Variants in TEX101 observed in about 807,000 individuals in gnomAD.
TEX101 encodes testis expressed 101.
A neutral mutation model predicts 18.1 loss-of-function variants in TEX101; 10 were observed. That is an observed-to-expected ratio of 0.55 (90% confidence interval 0.34 to 0.94). TEX101 has a LOEUF of 0.94. Ranked by LOEUF, TEX101 falls within the 40% of genes least tolerant of loss-of-function variation. The probability of loss-of-function intolerance (pLI) is 0.02; values close to 1 mark genes in which losing one functional copy is unlikely to be tolerated. For missense variants in TEX101, 259 were observed against 298.9 expected (o/e 0.87, Z 0.98); for synonymous variants, 94 against 114.8 (o/e 0.82, Z 1.16).
intron 1 of TEX101, among the ~76,000 whole-genome samples, chr19:43,402,057 A>G (rs1338643935): frequency 2.6e-5 from 4 of 152,282 alleles, no homozygotes; most frequent in Non-Finnish European, 5.9e-5. Flanking sequence ...TGCAGTCTAC[A>G]TAAGTGCTGC....
intron 1 of TEX101, among the ~76,000 whole-genome samples, chr19:43,415,327 G>A (rs1233460383): frequency 6.6e-6 from 1 of 152,016 alleles, no homozygotes. Flanking sequence ...TCCTGATCCT[G>A]AAGTTGGAGG....
At chr19:43,404,070 T>G (rs1307594822) in intron 2 of TEX101, among the ~76,000 whole-genome samples, 2 of 45,544 alleles carry the variant, frequency 4.4e-5, no homozygotes, top group African/African-American at 7.5e-5. Flanking sequence ...AGTGTGTGGG[T>G]TTTTTTTTTT....
intron 5 of TEX101, 47 bp downstream of exon 5, chr19:43,418,053 T>A: frequency 6.2e-7 from 1 of 1,613,778 alleles, no homozygotes; most frequent in Non-Finnish European, 8.5e-7. Context: ...GGAAAACCAT[T>A]TGAGTGGCTC....
rs752556296 is a variant in TEX101, at chr19:43,418,018, T to A, written c.520+12T>A. 10 of 1,614,062 alleles carry A rather than the reference T, an allele frequency of 6.2e-6. No individual in the cohort carries two copies. The highest frequency in any genetic ancestry group is 1.7e-5 in the Admixed American group (1 of 59,998). ...TGAGATCACTGGAGGTAAACTGAAA[T>A]GAACATCTGATAGTTTCAGAGGCTG... On this transcript the variant is annotated intron_variant, in intron 5 of 5. Transcript: ENST00000598265.
chr19:43,416,433 C>A lies in TEX101; in HGVS notation c.269C>A (p.Thr90Lys), dbSNP rs766899978. 6.2e-7 allele frequency: 1 copy of A among 1,614,180 alleles called. No individual in the cohort carries two copies. The highest frequency in any genetic ancestry group is 2.2e-5 in the East Asian group (1 of 44,882). Residue 90 changes from threonine to lysine, a missense_variant, in exon 4 of 6, where the codon ACA (threonine) becomes AAA (lysine). Transcript: ENST00000598265. Reference protein sequence around the residue: ...GCIPEGEEAITIVQHSSPPGL... With the variant: ...GCIPEGEEAIKIVQHSSPPGL... Reference sequence around the variant, plus strand: ...ATCCCGGAAGGGGAGGAGGCCATAACAATTGTCCAGCACTCTTCACCTCCC... The same window carrying A: ...ATCCCGGAAGGGGAGGAGGCCATAAAAATTGTCCAGCACTCTTCACCTCCC...
upstream of TEX101, chr19:43,414,753 T>C: frequency 1.2e-6 from 1 of 807,476 alleles, no homozygotes; most frequent in Non-Finnish European, 1.5e-6. Context: ...CCTCCGAGAT[T>C]GCCAGGAATT....
chr19:43,401,335 G>C (rs1376841864), upstream of TEX101, among the ~76,000 whole-genome samples: 2 of 152,176 alleles, frequency 1.3e-5, no homozygotes, highest in African/African-American at 4.8e-5. Flanking sequence ...TTTAGGTATA[G>C]GTCAATTAAC....
rs201420804 is a variant in TEX101 at position 43,417,974 on chromosome 19, G to C, written c.488G>C (p.Arg163Pro). Residue 163 changes from arginine (R) to proline (P), a missense_variant, in exon 5 of 6, where the codon CGA becomes CCA. Physicochemically the swap from Arg to Pro is moderately radical, Grantham distance 103 (BLOSUM62 -2). Transcript: ENST00000598265. ...PSLPCPNGTT[R>P]CYQGKLEITG... is the part of the protein sequence containing the mutation. ...CTTCCCTGTCCCAATGGTACAACTC[G>C]ATGCTATCAAGGAAAACTTGAGATC... 15 of 1,613,962 alleles carry C rather than the reference G, an allele frequency of 9.3e-6. No homozygotes were observed. Among genetic ancestry groups the C allele is most frequent in the Non-Finnish European group, 1.3e-5 (15 of 1,180,030 alleles).
At chr19:43,399,543 C>T (rs1469205341), upstream of TEX101, among the ~76,000 whole-genome samples, 1 of 152,086 alleles carries the variant, frequency 6.6e-6, no homozygotes, top group Non-Finnish European at 1.5e-5. Flanking sequence ...CTTCCTCACT[C>T]GTGATTTGGT....
In TEX101 at chr19:43,404,675, G is replaced by A. The variant is rs116156857; in HGVS notation, c.-282-1548G>A. ...GATACATGTGTATGTATGTGTGTGCGTGTATCCTAATTATTTGCCTGTGTA... is the reference window on the plus strand; with the variant it reads ...GATACATGTGTATGTATGTGTGTGCATGTATCCTAATTATTTGCCTGTGTA... On this transcript the variant is annotated intron_variant, in intron 2 of 7. Coordinates refer to the TEX101 transcript ENST00000602198. 7.6e-3 allele frequency among the ~76,000 whole-genome samples: 1,146 copies of A among 151,630 alleles called. 14 individuals are homozygous for A. Among genetic ancestry groups the A allele is most frequent in the African/African-American group, 0.026 (1,095 of 41,332 alleles).
chr19:43,415,179 TA>T, intron 1 of TEX101, 141 bp downstream of exon 1: 8 of 483,112 alleles, frequency 1.7e-5, no homozygotes, highest in Non-Finnish European at 2.2e-5. Context: ...CCTCGATCCC[TA>T]CATAGGACGG....
At chr19:43,410,779 CATAT>C (rs531039512), upstream of TEX101, among the ~76,000 whole-genome samples, 7 of 151,366 alleles carry the variant, frequency 4.6e-5, no homozygotes, top group East Asian at 7.8e-4. Flanking sequence ...CACAGACATA[CATAT>C]ATACAGACAT....
chr19:43,396,785 T>C (rs1214411809), upstream of TEX101, among the ~76,000 whole-genome samples: 2 of 150,242 alleles, frequency 1.3e-5, no homozygotes, highest in Non-Finnish European at 3.0e-5. Context: ...ATTTGTTACC[T>C]CTCAAATTCT....
At chr19:43,390,259 T>C in the TEX101 span, among the ~76,000 whole-genome samples, 3 of 152,226 alleles carry the variant, frequency 2.0e-5, no homozygotes, top group African/African-American at 7.2e-5. Context: ...CTGTGTCTCA[T>C]CCCTGTTCCC....
upstream of TEX101, among the ~76,000 whole-genome samples, chr19:43,413,517 A>G (rs1404491785): frequency 6.6e-6 from 1 of 150,470 alleles, no homozygotes; most frequent in South Asian, 2.1e-4. Flanking sequence ...AAAAAGGCCA[A>G]GAATTTATTT....
chr19:43,390,466 T>C, the TEX101 span, among the ~76,000 whole-genome samples: 4 of 115,358 alleles, frequency 3.5e-5, no homozygotes, highest in African/African-American at 6.7e-5. Context: ...TTTTCTTTTT[T>C]TTTTTTTTTT....
At chr19:43,399,638 A>G (rs1447020208), upstream of TEX101, among the ~76,000 whole-genome samples, 1 of 152,066 alleles carries the variant, frequency 6.6e-6, no homozygotes, top group African/African-American at 2.4e-5. Context: ...CTAGTTCCCT[A>G]GCAACCTCCA....
chr19:43,406,941 T>TG (rs1555745360), intron 3 of TEX101, among the ~76,000 whole-genome samples: 2 of 150,954 alleles, frequency 1.3e-5, no homozygotes, highest in African/African-American at 4.9e-5. Flanking sequence ...GTTTTTTTTT[T>TG]TTTTTTTGAC....
the TEX101 span, among the ~76,000 whole-genome samples, chr19:43,390,454 T>G: frequency 7.8e-6 from 1 of 128,666 alleles, no homozygotes; most frequent in African/African-American, 2.9e-5. Context: ...TCTTTTCTTT[T>G]TTTTTCTTTT....
Sources: allele counts gnomAD v4.1 joint callset (sites outside exome capture counted in the v4.1 genomes callset), GRCh38; gene constraint gnomAD v4.1.1; transcripts MANE v1.5; gene names NCBI Gene and HGNC (gene_info 2026-07-23, HGNC 2026-07-21).